The following FREM1 variants were observed in gnomAD, a reference collection of about 807,000 sequenced individuals.
The protein encoded by FREM1 is FRAS1 related extracellular matrix 1.
Under a neutral mutation model 210.1 loss-of-function variants are expected in FREM1, and 220 were observed. The ratio of observed to expected loss-of-function variants is 1.05; its 90% CI spans 0.94 to 1.17. The LOEUF is 1.17. Ranked by LOEUF, FREM1 falls within the 50% of genes most tolerant of loss-of-function variation. The pLI, the probability that FREM1 is intolerant of heterozygous loss-of-function variation, is 0.00. For missense variants in FREM1, 3,454 were observed against 2,675.5 expected (o/e 1.29, Z -6.42); for synonymous variants, 1,189 against 980.2 (o/e 1.21, Z -3.98).
chr9:14,809,542 G>A (rs1395145553), intron 16 of FREM1, among the ~76,000 whole-genome samples: 1 of 152,110 alleles, frequency 6.6e-6, no homozygotes, highest in Non-Finnish European at 1.5e-5. Flanking sequence ...GGGCTTAAAA[G>A]GAAAAACCGA....
rs1840566796 is a variant in FREM1, at chr9:14,737,314, G to C, written c.*82C>G. The C allele has an allele frequency of 9.6e-7, 1 of 1,037,280 alleles. No homozygotes were observed. The highest frequency in any genetic ancestry group is 1.4e-6 in the Non-Finnish European group (1 of 706,940). The allele number at this position is 1,037,280 out of a possible 1,614,324, so 64.3% of individuals were successfully genotyped here. A position where few individuals can be genotyped will look rare whatever the true frequency, so the allele number is the denominator to read the frequency against. On this transcript the variant is annotated 3_prime_UTR_variant, in exon 37 of 37. Transcript: ENST00000380880. ...TATACCCACTCAATCATAACAATTT[G>C]TTTTCTATGGAGCAATATTCACAGA...
intron 35 of FREM1, among the ~76,000 whole-genome samples, chr9:14,741,915 C>T (rs1841641221): frequency 6.6e-6 from 1 of 152,120 alleles, no homozygotes; most frequent in African/African-American, 2.4e-5. Context: ...ATTTTAGCTG[C>T]CCAAGTACAA....
chr9:14,875,913 G>T lies in FREM1; in HGVS notation c.-267-6669C>A, dbSNP rs1833623305. On this transcript the variant is annotated intron_variant, in intron 1 of 36. Coordinates refer to ENST00000380880, the MANE Select transcript of FREM1 (RefSeq NM_001379081.2). ...CTAACAGACAGGACCCTCAGCTGCA[G>T]GTCTGCTGGAGTTTGCTAGAGGTCC... 3.3e-5 allele frequency among the ~76,000 whole-genome samples: 5 copies of T among 152,330 alleles called. No homozygotes were observed. In the South Asian group the frequency reaches 1.0e-3, roughly 32 times the overall value.
At position 14,792,787 on chromosome 9, in the gene FREM1, A is replaced by C; in HGVS notation, c.3937T>G (p.Tyr1313Asp). The change falls in exon 22 of 37, where the codon TAT becomes GAT. Residue 1313 changes from tyrosine to aspartate, a missense_variant. By Grantham distance (160) the Tyr-to-Asp change is radical. Transcript: ENST00000380880. ...TTTTGGGGAAGCCTTTCAAATACAT[A>C]GTAAATCTTCTCCCTGGGTGAGTCT... The part of the protein sequence containing the change: ...DEDSPREKIY[Y>D]VFERLPQNGQ... The C allele has an allele frequency of 6.2e-7, 1 of 1,608,460 alleles. No homozygotes were observed. Among genetic ancestry groups the C allele is most frequent in the Non-Finnish European group, 8.5e-7 (1 of 1,177,468 alleles).
intron 10 of FREM1, among the ~76,000 whole-genome samples, chr9:14,834,887 C>T (rs1287822096): frequency 4.6e-5 from 5 of 109,680 alleles, no homozygotes; most frequent in Admixed American, 2.0e-4. Context: ...AGTTCTTTGC[C>T]AGTCATGTTT....
At chr9:14,907,008 C>T (rs1380532845) in intron 1 of FREM1, among the ~76,000 whole-genome samples, 3 of 152,184 alleles carry the variant, frequency 2.0e-5, no homozygotes, top group Admixed American at 2.0e-4. Flanking sequence ...TTTTTTAATA[C>T]ACATTTTCCC....
In FREM1 at chr9:14,767,777, C is replaced by T. The variant is rs1846709513; in HGVS notation, c.5204+1947G>A. ...TGATGATAAATGCTGAGTAATTTTACCCCCCCATCGCTTATAAAGAAAATA... is the reference window on the plus strand; with the variant it reads ...TGATGATAAATGCTGAGTAATTTTATCCCCCCATCGCTTATAAAGAAAATA... On this transcript the variant is annotated intron_variant, in intron 27 of 36. Transcript: ENST00000380880. 5.3e-5 allele frequency among the ~76,000 whole-genome samples: 8 copies of T among 151,970 alleles called. 1 individual carries two copies. The South Asian group carries it at 1.7e-3, about 32-fold the overall frequency.
chr9:14,863,829 T>C lies in FREM1; in HGVS notation c.309A>G (p.Thr103=), dbSNP rs1344398578. The change falls in exon 3 of 37, where the codon ACA becomes ACG. Residue 103 remains threonine (T), a synonymous_variant. Coordinates refer to ENST00000380880, the MANE Select transcript of FREM1 (RefSeq NM_001379081.2). ...CTTACCTGTAAAGTCTGAGCTTCAC[T>C]GTGTCTTCATCAAGAATTGGACAAC... The part of the protein sequence containing the change: ...HNGCPILDED[T]VKLRLYRFTE... The C allele has an allele frequency of 3.7e-6, 6 of 1,612,118 alleles. No homozygotes were observed. In the South Asian group the frequency reaches 6.6e-5, roughly 18 times the overall value.
At chr9:14,885,984 C>T (rs187303250) in intron 1 of FREM1, among the ~76,000 whole-genome samples, 209 of 152,242 alleles carry the variant, frequency 1.4e-3, no homozygotes, top group Middle Eastern at 0.01. Context: ...TGATCAGCAC[C>T]TCCCCAGTCC....
chr9:14,765,019 A>C (rs190964987), intron 27 of FREM1, among the ~76,000 whole-genome samples: 3 of 152,316 alleles, frequency 2.0e-5, no homozygotes, highest in Admixed American at 2.0e-4. Context: ...AACCTTCATG[A>C]ATTCTCATTA....
chr9:14,740,313 A>G, intron 35 of FREM1, 79 bp from the exon 36 acceptor site: 2 of 1,047,300 alleles, frequency 1.9e-6, no homozygotes, highest in South Asian at 2.6e-5. Flanking sequence ...ACAGAAATAA[A>G]AGTAAGTTTA....
At chr9:14,804,890 T>C (rs1588089307) in intron 19 of FREM1, 66 bp downstream of exon 19, 4 of 1,227,812 alleles carry the variant, frequency 3.3e-6, no homozygotes, top group Non-Finnish European at 4.8e-6. Context: ...GCAATGTAAA[T>C]GGACTAATTG....
rs1049242912 is a variant in FREM1 at position 14,876,161 on chromosome 9, C to G, written c.-267-6917G>C. Among the ~76,000 whole-genome samples, 4 of 152,266 alleles carry G rather than the reference C, an allele frequency of 2.6e-5. No homozygotes were observed. In the South Asian group the frequency reaches 8.3e-4, roughly 32 times the overall value. On this transcript the variant is annotated intron_variant, in intron 1 of 36. Transcript: ENST00000380880. Reference sequence around the variant, plus strand: ...CACTTGAGGAGGCAGTCTGCCCATTCTCAGATCTCCAGCTGCGTGCTGGGA... The same window carrying G: ...CACTTGAGGAGGCAGTCTGCCCATTGTCAGATCTCCAGCTGCGTGCTGGGA...
chr9:14,888,114 C>T (rs1020565425), intron 1 of FREM1, among the ~76,000 whole-genome samples: 18 of 152,100 alleles, frequency 1.2e-4, no homozygotes, highest in African/African-American at 4.1e-4. Context: ...AACATTTATA[C>T]GTGTTTACTA....
At chr9:14,755,011 G>C (rs1212150120) in intron 29 of FREM1, among the ~76,000 whole-genome samples, 1 of 152,178 alleles carries the variant, frequency 6.6e-6, no homozygotes, top group Non-Finnish European at 1.5e-5. Context: ...TGAAAGCAGA[G>C]ATGCAGGTGA....
chr9:14,813,150 T>A, intron 15 of FREM1, 86 bp from the exon 16 acceptor site: 1 of 1,362,936 alleles, frequency 7.3e-7, no homozygotes, highest in Non-Finnish European at 1.0e-6. Flanking sequence ...ATAGTCAGAA[T>A]GACAGGCATT....
chr9:14,906,676 G>A (rs1008923183), intron 1 of FREM1, among the ~76,000 whole-genome samples: 8 of 152,266 alleles, frequency 5.3e-5, no homozygotes, highest in African/African-American at 1.2e-4. Flanking sequence ...AACAAGAAAC[G>A]TAGGCCTTAG....
At position 14,776,278 on chromosome 9, in the gene FREM1, A is replaced by G. The variant is rs758983662; in HGVS notation, c.4443-75T>C. On this transcript the variant is annotated intron_variant, in intron 24 of 36. Coordinates refer to ENST00000380880, the MANE Select transcript of FREM1 (RefSeq NM_001379081.2). ...TCTACTGGAATGAAATGATAACAAT[A>G]CACACCTTTACTAAAGGGTATTGTC... is the stretch of plus-strand genomic sequence containing the variant. 7 of 1,430,122 alleles carry G rather than the reference A, an allele frequency of 4.9e-6. No homozygotes were observed. The African/African-American group carries it at 7.1e-5, about 15-fold the overall frequency. The allele number at this position is 1,430,122 out of a possible 1,614,324, so 88.6% of individuals were successfully genotyped here.
intron 7 of FREM1, among the ~76,000 whole-genome samples, chr9:14,847,986 C>G (rs576981239): frequency 6.6e-6 from 1 of 152,330 alleles, no homozygotes; most frequent in East Asian, 1.9e-4. Context: ...AAACACATAT[C>G]TATGTGTACA....
Sources: allele counts gnomAD v4.1 joint callset (sites outside exome capture counted in the v4.1 genomes callset), GRCh38; gene constraint gnomAD v4.1.1; transcripts MANE v1.5; gene names NCBI Gene and HGNC (gene_info 2026-07-23, HGNC 2026-07-21).